CCDC175: variants seen among roughly 807,000 people sequenced by gnomAD.
The protein encoded by CCDC175 is coiled-coil domain containing 175.
CCDC175 carries 100 observed loss-of-function variants against 114.6 expected under a neutral mutation model. That is an observed-to-expected ratio of 0.87 (90% confidence interval 0.74 to 1.03). The LOEUF (loss-of-function observed/expected upper bound fraction) is 1.03. Among genes scored for constraint, CCDC175 ranks in the 50% least tolerant of loss-of-function variants. The probability of loss-of-function intolerance (pLI) is 0.00; values close to 1 mark genes in which losing one functional copy is unlikely to be tolerated. For missense variants in CCDC175, 880 were observed against 917.8 expected, an observed-to-expected ratio of 0.96 and a Z score of 0.53; for synonymous variants, 306 against 308.7, an observed-to-expected ratio of 0.99 and a Z score of 0.09.
At position 59,505,187 on chromosome 14, in the gene CCDC175, A is replaced by T. The variant is rs1892260125; in HGVS notation, c.*52T>A. On this transcript the variant is annotated 3_prime_UTR_variant, in exon 20 of 20. Coordinates refer to ENST00000537690, the MANE Select transcript of CCDC175 (RefSeq NM_001164399.2). The stretch of plus-strand genomic sequence containing the variant: ...GCAAAATATGAAAGTAAGTGCACTC[A>T]CTTTTCCTGTAGTAGTCTGTCTTTT... 2 of 963,426 alleles carry T rather than the reference A, an allele frequency of 2.1e-6. No homozygotes were observed. The highest frequency in any genetic ancestry group is 3.3e-5 in the African/African-American group (2 of 60,504). 59.7% of individuals were successfully genotyped at this position (963,426 alleles called of 1,614,324 possible). A position where few individuals can be genotyped will look rare whatever the true frequency, so the allele number is the denominator to read the frequency against.
chr14:59,569,108 T>C (rs964227130), intron 3 of CCDC175, among the ~76,000 whole-genome samples: 1 of 152,236 alleles, frequency 6.6e-6, no homozygotes, highest in East Asian at 1.9e-4. Flanking sequence ...TCTCAGTGCA[T>C]GACAGATGGT....
chr14:59,545,205 T>G lies in CCDC175; in HGVS notation c.1130A>C (p.Glu377Ala), dbSNP rs1034603776. Residue 377 changes from glutamate to alanine, a missense_variant, in exon 9 of 20, where the codon GAG (glutamate) becomes GCG (alanine). Transcript: ENST00000537690. ...LARQYKIVLS[E>A]EEKAFLQKQK... ...TTTTTGCAAAAAAGCTTTTTCTTCC[T>G]CACTTAAAACAATCTTATATTGTCT... 2.9e-5 allele frequency: 44 copies of G among 1,536,898 alleles called. No individual in the cohort carries two copies. Among genetic ancestry groups the G allele is most frequent in the Admixed American group, 3.9e-5 (2 of 50,964 alleles).
intron 7 of CCDC175, among the ~76,000 whole-genome samples, chr14:59,555,516 T>C (rs1209353837): frequency 6.6e-6 from 1 of 152,180 alleles, no homozygotes; most frequent in Non-Finnish European, 1.5e-5. Context: ...TCATACTGAA[T>C]GGGCAAAAAC....
At chr14:59,562,546 A>T (rs1288360841) in intron 6 of CCDC175, among the ~76,000 whole-genome samples, 1 of 152,208 alleles carries the variant, frequency 6.6e-6, no homozygotes, top group African/African-American at 2.4e-5. Flanking sequence ...GTGAGACTCA[A>T]GTTTGTGCTT....
rs1892256363 is a variant in CCDC175, at chr14:59,505,135, A to C, written c.*104T>G. The C allele has an allele frequency of 6.2e-6, 3 of 482,650 alleles. No individual in the cohort carries two copies. The highest frequency in any genetic ancestry group is 1.1e-5 in the Non-Finnish European group (3 of 280,744). The allele number at this position is 482,650 out of a possible 1,614,324, so 29.9% of individuals were successfully genotyped here. On this transcript the variant is annotated 3_prime_UTR_variant, in exon 20 of 20. Transcript: ENST00000537690. ...AGGTTGTGTGAATTAGTTAAATTTT[A>C]AATGTTTAAGACTTCTATTAACAGC... is the stretch of plus-strand genomic sequence containing the variant.
chr14:59,527,215 G>A (rs1348324156), intron 14 of CCDC175, 41 bp from the exon 15 acceptor site: 1 of 1,078,630 alleles, frequency 9.3e-7, no homozygotes, highest in African/African-American at 1.6e-5. Context: ...CAAAAATTTA[G>A]TTAAAAAATA....
At chr14:59,531,326 C>G (rs773228392) in intron 14 of CCDC175, among the ~76,000 whole-genome samples, 1 of 149,750 alleles carries the variant, frequency 6.7e-6, no homozygotes, top group African/African-American at 2.5e-5. Context: ...AAGCTCTTAC[C>G]TATCTGTGCC....
intron 3 of CCDC175, among the ~76,000 whole-genome samples, chr14:59,572,342 T>C (rs1455474263): frequency 6.6e-6 from 1 of 152,104 alleles, no homozygotes; most frequent in Non-Finnish European, 1.5e-5. Context: ...TGAGGACAAA[T>C]ACTGTATGAT....
In CCDC175 at chr14:59,505,091, A is replaced by T; in HGVS notation, c.*148T>A. ...ATCCATTTTTATTGTTTAGAAGTTT[A>T]TTTACTGATACTTGGTGGAGGTTGT... On this transcript the variant is annotated 3_prime_UTR_variant, in exon 20 of 20. Transcript: ENST00000537690. The T allele has an allele frequency of 2.3e-6, 1 of 442,894 alleles. No individual in the cohort carries two copies. The allele number at this position is 442,894 out of a possible 1,614,324, so 27.4% of individuals were successfully genotyped here.
At chr14:59,538,913 G>T in intron 11 of CCDC175, 73 bp from the exon 12 acceptor site, 1 of 1,381,392 alleles carries the variant, frequency 7.2e-7, no homozygotes, top group Non-Finnish European at 9.7e-7. Context: ...GAAATTCAAA[G>T]CAAAACAAGT....
At chr14:59,554,780 G>A (rs1895770226) in intron 7 of CCDC175, among the ~76,000 whole-genome samples, 1 of 151,894 alleles carries the variant, frequency 6.6e-6, no homozygotes, top group Admixed American at 6.6e-5. Flanking sequence ...ATGATAACTG[G>A]GATATCACCA....
intron 19 of CCDC175, among the ~76,000 whole-genome samples, chr14:59,506,626 T>C (rs1458950912): frequency 6.6e-6 from 1 of 152,208 alleles, no homozygotes. Context: ...GTGATTCTAA[T>C]GTTTGAGAAC....
At chr14:59,545,925 CA>C (rs1895080588) in intron 8 of CCDC175, among the ~76,000 whole-genome samples, 1 of 152,056 alleles carries the variant, frequency 6.6e-6, no homozygotes, top group South Asian at 2.1e-4. Flanking sequence ...ATTCAAAAAA[CA>C]AAAATAGAAT....
chr14:59,545,224 A>G lies in CCDC175; in HGVS notation c.1111T>C (p.Tyr371His), dbSNP rs367900699. The G allele has an allele frequency of 5.2e-6, 8 of 1,536,666 alleles. No individual in the cohort carries two copies. The African/African-American group carries it at 1.1e-4, about 21-fold the overall frequency. The change falls in exon 9 of 20, where the codon TAT becomes CAT. Residue 371 changes from tyrosine (Y) to histidine (H), a missense_variant. Tyr to His is a moderately conservative substitution (Grantham distance 83). Coordinates refer to ENST00000537690, the MANE Select transcript of CCDC175 (RefSeq NM_001164399.2). ...TCTTCCTCACTTAAAACAATCTTATATTGTCTGGCAAGAGTTTTCATTTTC... is the reference window on the plus strand; with the variant it reads ...TCTTCCTCACTTAAAACAATCTTATGTTGTCTGGCAAGAGTTTTCATTTTC... ...REKMKTLARQYKIVLSEEEKA... is the reference protein window; with the variant it reads ...REKMKTLARQHKIVLSEEEKA...
chr14:59,544,325 C>T (rs1894973470), intron 9 of CCDC175, among the ~76,000 whole-genome samples: 1 of 152,088 alleles, frequency 6.6e-6, no homozygotes, highest in African/African-American at 2.4e-5. Flanking sequence ...CGCCACCATG[C>T]CCAGCTAATT....
At chr14:59,520,349 C>T (rs1179238489) in intron 17 of CCDC175, among the ~76,000 whole-genome samples, 1 of 152,196 alleles carries the variant, frequency 6.6e-6, no homozygotes, top group East Asian at 1.9e-4. Context: ...GGGAACTCTT[C>T]TCCATTGTTA....
chr14:59,553,140 G>A (rs1292059685), intron 7 of CCDC175, among the ~76,000 whole-genome samples: 1 of 152,068 alleles, frequency 6.6e-6, no homozygotes, highest in African/African-American at 2.4e-5. Flanking sequence ...CTCCAGAAGA[G>A]CAACTCCAAG....
chr14:59,559,056 A>G (rs1896080754), intron 7 of CCDC175, among the ~76,000 whole-genome samples: 1 of 152,182 alleles, frequency 6.6e-6, no homozygotes, highest in Non-Finnish European at 1.5e-5. Context: ...CTAGACCACT[A>G]AACTTTAACA....
intron 13 of CCDC175, among the ~76,000 whole-genome samples, chr14:59,533,097 T>C (rs1894163117): frequency 6.6e-6 from 1 of 152,192 alleles, no homozygotes. Flanking sequence ...ACCAAAGTGA[T>C]ACTTCAGATG....
Sources: gnomAD v4.1 joint callset for allele counts (sites outside exome capture counted in the v4.1 genomes callset) on GRCh38, gnomAD v4.1.1 for gene constraint, MANE v1.5 for transcripts, NCBI Gene and HGNC (gene_info 2026-07-23, HGNC 2026-07-21) for gene names.